The following N4BP2 variants were observed in gnomAD, a reference collection of about 807,000 sequenced individuals.
N4BP2 encodes NEDD4 binding protein 2.
In N4BP2, 91 loss-of-function variants were observed where a neutral mutation model predicts 152.8. That is an observed-to-expected ratio of 0.60 (90% CI 0.50 to 0.71). N4BP2 has a LOEUF of 0.71. Ranked by LOEUF, N4BP2 falls within the 30% of genes least tolerant of loss-of-function variation. N4BP2 has a pLI of 0.00. For synonymous variants in N4BP2, 646 were observed against 705.3 expected (o/e 0.92, Z 1.33); for missense variants, 1,923 against 2,059.1 (o/e 0.93, Z 1.28).
intron 4 of N4BP2, among the ~76,000 whole-genome samples, chr4:40,103,639 T>C (rs1026918063): frequency 6.6e-6 from 1 of 152,208 alleles, no homozygotes; most frequent in East Asian, 1.9e-4. Context: ...TGTTGTTAAA[T>C]AATGCTTTTA....
At chr4:40,160,729 T>A (rs1721835477), downstream of N4BP2, among the ~76,000 whole-genome samples, 1 of 152,190 alleles carries the variant, frequency 6.6e-6, no homozygotes, top group Admixed American at 6.5e-5. Flanking sequence ...AGATTCCAGA[T>A]GAAAATACTA....
At chr4:40,084,292 G>C (rs1251206763) in intron 2 of N4BP2, among the ~76,000 whole-genome samples, 1 of 152,190 alleles carries the variant, frequency 6.6e-6, no homozygotes, top group African/African-American at 2.4e-5. Context: ...GAATGATGAG[G>C]TGTGACGGAA....
At chr4:40,071,056 T>C (rs1712125249) in intron 1 of N4BP2, among the ~76,000 whole-genome samples, 1 of 151,882 alleles carries the variant, frequency 6.6e-6, no homozygotes, top group Admixed American at 6.6e-5. Context: ...TTTTTTTAAA[T>C]GCCAGATTTC....
At chr4:40,129,285 G>A (rs1718703571) in intron 12 of N4BP2, among the ~76,000 whole-genome samples, 1 of 151,648 alleles carries the variant, frequency 6.6e-6, no homozygotes, top group Admixed American at 6.6e-5. Flanking sequence ...GGAGTGCAGT[G>A]GCACAGTCTC....
At chr4:40,059,461 T>G (rs1161624024) in intron 1 of N4BP2, among the ~76,000 whole-genome samples, 1 of 152,114 alleles carries the variant, frequency 6.6e-6, no homozygotes, top group East Asian at 1.9e-4. Context: ...GGCGCTATCT[T>G]GTCTCAGCCT....
At chr4:40,144,548 C>A in intron 15 of N4BP2, 84 bp from the exon 16 acceptor site, 1 of 1,066,128 alleles carries the variant, frequency 9.4e-7, no homozygotes, top group Non-Finnish European at 1.3e-6. Context: ...TTCCCCCTTC[C>A]TTTTATTTGG....
At chr4:40,180,205 A>G in the N4BP2 span, among the ~76,000 whole-genome samples, 2 of 152,328 alleles carry the variant, frequency 1.3e-5, no homozygotes, top group South Asian at 4.1e-4. Flanking sequence ...TTCATATACA[A>G]ACAACTTTTC....
intron 1 of N4BP2, among the ~76,000 whole-genome samples, chr4:40,057,949 A>G (rs148902611): frequency 6.6e-6 from 1 of 152,220 alleles, no homozygotes; most frequent in African/African-American, 2.4e-5. Context: ...TAATGTCTCC[A>G]TGGCACAGTT....
chr4:40,133,134 A>G (rs1224075238), intron 13 of N4BP2, among the ~76,000 whole-genome samples: 1 of 152,142 alleles, frequency 6.6e-6, no homozygotes, highest in African/African-American at 2.4e-5. Flanking sequence ...ATGCTGTCTT[A>G]TCATTTATTT....
intron 7 of N4BP2, among the ~76,000 whole-genome samples, chr4:40,114,438 T>C (rs1187718319): frequency 1.3e-5 from 2 of 152,216 alleles, no homozygotes; most frequent in African/African-American, 4.8e-5. Context: ...ATTTATGGGT[T>C]TTCCTGTTGC....
At chr4:40,127,094 T>A (rs793997) in intron 12 of N4BP2, among the ~76,000 whole-genome samples, 14,366 of 152,166 alleles carry the variant, frequency 0.094, 687 homozygotes, top group East Asian at 0.14. Flanking sequence ...TTTTGCCATG[T>A]TGCCCAGGCT....
chr4:40,062,025 TTTTA>T (rs571355066), intron 1 of N4BP2, among the ~76,000 whole-genome samples: 10 of 151,930 alleles, frequency 6.6e-5, no homozygotes, highest in Admixed American at 4.6e-4. Context: ...TATTTTTTGG[TTTTA>T]TTTATTTATT....
intron 3 of N4BP2, among the ~76,000 whole-genome samples, chr4:40,099,098 C>T (rs1368571660): frequency 3.3e-5 from 5 of 151,914 alleles, no homozygotes; most frequent in African/African-American, 9.7e-5. Context: ...TATTTTCTTG[C>T]GTCACAGGGT....
At chr4:40,142,990 T>C (rs1720183309) in intron 15 of N4BP2, 129 bp downstream of exon 15, 1 of 706,996 alleles carries the variant, frequency 1.4e-6, no homozygotes, top group Non-Finnish European at 2.3e-6. Flanking sequence ...GTAAGTGACA[T>C]AAATAAGGTA....
intron 1 of N4BP2, among the ~76,000 whole-genome samples, chr4:40,070,660 A>G (rs1213116409): frequency 1.3e-5 from 2 of 152,034 alleles, no homozygotes; most frequent in African/African-American, 4.8e-5. Flanking sequence ...CATGTTGCCC[A>G]GGCTGGTCTT....
Position 40,156,668 on chromosome 4 carries a change from T to G in N4BP2, c.*2431T>G, listed in dbSNP as rs1201821220. The G allele has an allele frequency of 2.6e-5, 4 of 152,140 alleles. No homozygotes were observed. The highest frequency in any genetic ancestry group is 2.0e-4 in the Admixed American group (3 of 15,270). The allele number at this position is 152,140 out of a possible 1,614,324, so 9.4% of individuals were successfully genotyped here. The stretch of plus-strand genomic sequence containing the variant: ...CTATTACCCATTTCTAAATCCTGTA[T>G]GTCAAAGATAGTTTGGAGATTATAA... On this transcript the variant is annotated 3_prime_UTR_variant, in exon 18 of 18. Coordinates refer to ENST00000261435, the MANE Select transcript of N4BP2 (RefSeq NM_018177.6).
At chr4:40,106,236 T>A (rs1716269916) in intron 4 of N4BP2, among the ~76,000 whole-genome samples, 1 of 152,170 alleles carries the variant, frequency 6.6e-6, no homozygotes, top group African/African-American at 2.4e-5. Flanking sequence ...TAGGTCAGAT[T>A]TTTTTTGGAA....
chr4:40,094,085 T>C (rs1271562116), intron 2 of N4BP2, among the ~76,000 whole-genome samples: 1 of 152,216 alleles, frequency 6.6e-6, no homozygotes, highest in African/African-American at 2.4e-5. Context: ...GCATTCAATT[T>C]ATTATATTTT....
At chr4:40,081,177 G>A (rs749998886) in intron 2 of N4BP2, among the ~76,000 whole-genome samples, 4 of 151,786 alleles carry the variant, frequency 2.6e-5, no homozygotes, top group Non-Finnish European at 5.9e-5. Flanking sequence ...ATTTCTTACG[G>A]ATTATGTGGA....
Sources: gnomAD v4.1 joint callset for allele counts (sites outside exome capture counted in the v4.1 genomes callset) on GRCh38, gnomAD v4.1.1 for gene constraint, MANE v1.5 for transcripts, NCBI Gene and HGNC (gene_info 2026-07-23, HGNC 2026-07-21) for gene names.